DRG1: variants seen among roughly 807,000 people sequenced by gnomAD.
DRG1 encodes developmentally regulated GTP binding protein 1, also known as developmentally-regulated GTP-binding protein 1.
In DRG1, 19 loss-of-function variants were observed where a neutral mutation model predicts 38.8. That is an observed-to-expected ratio of 0.49 (90% CI 0.34 to 0.72). The LOEUF (loss-of-function observed/expected upper bound fraction) is 0.72. Among genes scored for constraint, DRG1 ranks in the 30% least tolerant of loss-of-function variants. The pLI is 0.01. For missense variants in DRG1, 299 were observed against 444.8 expected, an observed-to-expected ratio of 0.67 and a Z score of 2.95; for synonymous variants, 167 against 157.5, an observed-to-expected ratio of 1.06 and a Z score of -0.45.
rs1490811716 is a variant in DRG1, at chr22:31,431,024, C to G, written c.1005-2848C>G. ...CTAGCCACTGCACCCGGCCTTCCCCCCCCCCCCCCGCTTTTTTTTTTTTTT... is the reference window on the plus strand; with the variant it reads ...CTAGCCACTGCACCCGGCCTTCCCCGCCCCCCCCCGCTTTTTTTTTTTTTT... On this transcript the variant is annotated intron_variant, in intron 8 of 8. Transcript: ENST00000331457. Among the ~76,000 whole-genome samples the G allele has an allele frequency of 2.3e-4, 26 of 111,722 alleles. 1 individual carries two copies. The highest frequency in any genetic ancestry group is 5.4e-4 in the East Asian group (1 of 1,836). 73.3% of individuals were successfully genotyped at this position (111,722 alleles called of 152,430 possible). A position where few individuals can be genotyped will look rare whatever the true frequency, so the allele number is the denominator to read the frequency against.
chr22:31,412,355 T>TC (rs1478725809), intron 4 of DRG1, among the ~76,000 whole-genome samples: 1 of 147,340 alleles, frequency 6.8e-6, no homozygotes, highest in Non-Finnish European at 1.5e-5. Flanking sequence ...TTTCTTTCTT[T>TC]TTTTTTTTTT....
intron 6 of DRG1, among the ~76,000 whole-genome samples, chr22:31,423,770 G>A (rs754830043): frequency 1.3e-5 from 2 of 150,642 alleles, no homozygotes; most frequent in South Asian, 2.1e-4. Context: ...CAAGTGATCC[G>A]TCTGCCTCGG....
intron 5 of DRG1, 30 bp downstream of exon 5, chr22:31,420,455 T>A (rs2050070794): frequency 6.2e-7 from 1 of 1,613,070 alleles, no homozygotes; most frequent in Non-Finnish European, 8.5e-7. Flanking sequence ...TGGGGCAGGC[T>A]GCTGCAGGAA....
At position 31,426,625 on chromosome 22, in the gene DRG1, C is replaced by T. The variant is rs763380516; in HGVS notation, c.724C>T (p.Pro242Ser). The change falls in exon 7 of 9, where the codon CCC (proline) becomes TCC (serine). Residue 242 changes from proline (P) to serine (S), a missense_variant. This residue lies in a region of DRG1 where 198 missense variants were observed against 268.1 expected (regional missense o/e 0.74). Transcript: ENST00000331457. ...CTTCACTTTCTGTAGAGTTTATATC[C>T]CCTGTATCTATGTGTTAAATAAGAT... ...DVVEGNRVYIPCIYVLNKIDQ... is the reference protein window; with the variant it reads ...DVVEGNRVYISCIYVLNKIDQ... The T allele has an allele frequency of 1.1e-5, 17 of 1,612,196 alleles. No individual in the cohort carries two copies. The highest frequency in any genetic ancestry group is 6.7e-5 in the African/African-American group (5 of 74,818).
At chr22:31,415,068 T>C (rs1290841158) in intron 4 of DRG1, among the ~76,000 whole-genome samples, 1 of 152,176 alleles carries the variant, frequency 6.6e-6, no homozygotes, top group Non-Finnish European at 1.5e-5. Flanking sequence ...TGTACGACCA[T>C]GGCAGGCTGA....
chr22:31,423,225 GA>G, intron 5 of DRG1, 54 bp from the exon 6 acceptor site: 1 of 1,603,800 alleles, frequency 6.2e-7, no homozygotes, highest in Non-Finnish European at 8.5e-7. Flanking sequence ...TGGTACACTT[GA>G]CAAGTATTTT....
At chr22:31,410,990 T>TC in intron 3 of DRG1, 22 bp from the exon 4 acceptor site, 6 of 1,612,732 alleles carry the variant, frequency 3.7e-6, no homozygotes, top group Non-Finnish European at 5.1e-6. Flanking sequence ...TTCATCCTCT[T>TC]CCCCCATTCT....
At chr22:31,413,714 A>G (rs771491604) in intron 4 of DRG1, among the ~76,000 whole-genome samples, 56 of 147,768 alleles carry the variant, frequency 3.8e-4, no homozygotes, top group Non-Finnish European at 6.8e-4. Flanking sequence ...CCCGGTTTCA[A>G]GTCATTATCC....
intron 5 of DRG1, 29 bp downstream of exon 5, chr22:31,420,454 C>G (rs1308824006): frequency 6.2e-7 from 1 of 1,613,044 alleles, no homozygotes. Flanking sequence ...ATGGGGCAGG[C>G]TGCTGCAGGA....
intron 1 of DRG1, among the ~76,000 whole-genome samples, chr22:31,400,022 T>C (rs1398597925): frequency 6.6e-6 from 1 of 151,956 alleles, no homozygotes; most frequent in East Asian, 1.9e-4. Context: ...AGTGTTTGGC[T>C]CCTGTTCTGA....
At chr22:31,426,939 A>G in intron 7 of DRG1, 121 bp from the exon 8 acceptor site, 4 of 1,510,476 alleles carry the variant, frequency 2.6e-6, no homozygotes, top group Non-Finnish European at 1.8e-6. Flanking sequence ...TATTGAGGAC[A>G]CTTTTTCCCT....
chr22:31,400,868 G>C, intron 2 of DRG1, 125 bp downstream of exon 2: 1 of 1,161,246 alleles, frequency 8.6e-7, no homozygotes, highest in South Asian at 1.5e-5. Context: ...ATCCTAGCAT[G>C]CTGGGAGGCT....
In DRG1 at chr22:31,400,587, T is replaced by C. The variant is rs773804933; in HGVS notation, c.43-33T>C. 7.5e-6 allele frequency: 12 copies of C among 1,604,440 alleles called. No homozygotes were observed. The Admixed American group carries it at 1.3e-4, about 18-fold the overall frequency. On this transcript the variant is annotated intron_variant, in intron 1 of 8. Transcript: ENST00000331457. ...CAAAGCTGGGGGAAGCGTTCACTGC[T>C]TCTAATTTATGGCTGTGATTCCTCC...
At chr22:31,420,575 A>G (rs1300689439) in intron 5 of DRG1, 150 bp downstream of exon 5, 1 of 995,034 alleles carries the variant, frequency 1.0e-6, no homozygotes, top group Non-Finnish European at 1.4e-6. Flanking sequence ...CTGACAAGAA[A>G]AACTTCAAGA....
intron 5 of DRG1, among the ~76,000 whole-genome samples, chr22:31,423,038 C>G (rs957579954): frequency 1.3e-5 from 2 of 152,184 alleles, no homozygotes; most frequent in African/African-American, 4.8e-5. Flanking sequence ...TTCTGAGATA[C>G]TGAGGTTAAG....
chr22:31,426,800 G>C lies in DRG1; in HGVS notation c.881+18G>C. 1 of 1,611,276 alleles carries C rather than the reference G, an allele frequency of 6.2e-7. No individual in the cohort carries two copies. The highest frequency in any genetic ancestry group is 8.5e-7 in the Non-Finnish European group (1 of 1,178,882). Reference sequence around the variant, plus strand: ...GTGAGAATGTAAGTCTTTGTGGATAGGGTAATGTTGCTATAGGAATTAACC... The same window carrying C: ...GTGAGAATGTAAGTCTTTGTGGATACGGTAATGTTGCTATAGGAATTAACC... On this transcript the variant is annotated intron_variant, in intron 7 of 8. Transcript: ENST00000331457.
chr22:31,412,141 A>C (rs1000134227), intron 4 of DRG1, among the ~76,000 whole-genome samples: 2 of 151,496 alleles, frequency 1.3e-5, no homozygotes, highest in East Asian at 4.0e-4. Context: ...AATACAAAAA[A>C]AAATTAACCG....
intron 4 of DRG1, among the ~76,000 whole-genome samples, chr22:31,419,585 G>T (rs2050064581): frequency 1.3e-5 from 2 of 152,034 alleles, no homozygotes; most frequent in African/African-American, 4.8e-5. Context: ...TGGCAATAGT[G>T]GGGAAGATTG....
At chr22:31,416,951 G>C (rs1351431934) in intron 4 of DRG1, among the ~76,000 whole-genome samples, 1 of 151,102 alleles carries the variant, frequency 6.6e-6, no homozygotes, top group East Asian at 1.9e-4. Context: ...TGTAGTCCCA[G>C]CTGTTCGGGA....
Sources: gnomAD v4.1 joint callset for allele counts (sites outside exome capture counted in the v4.1 genomes callset) on GRCh38, gnomAD v4.1.1 for gene constraint, gnomAD v4.1.1 regional missense constraint, MANE v1.5 for transcripts, NCBI Gene and HGNC (gene_info 2026-07-23, HGNC 2026-07-21) for gene names.